The following HAPLN3 variants were observed in gnomAD, a reference collection of about 807,000 sequenced individuals.
The protein encoded by HAPLN3 is hyaluronan and proteoglycan link protein 3.
A neutral mutation model predicts 28.1 loss-of-function variants in HAPLN3; 28 were observed. The ratio of observed to expected loss-of-function variants is 1.00; its 90% CI spans 0.74 to 1.37. The LOEUF (loss-of-function observed/expected upper bound fraction) is 1.37. Ranked by LOEUF, HAPLN3 falls within the 40% of genes most tolerant of loss-of-function variation. The probability of loss-of-function intolerance (pLI) is 0.00; values close to 1 mark genes in which losing one functional copy is unlikely to be tolerated. For missense variants in HAPLN3, 513 were observed against 504.6 expected, an observed-to-expected ratio of 1.02 and a Z score of -0.16; for synonymous variants, 211 against 213.1, an observed-to-expected ratio of 0.99 and a Z score of 0.09.
intron 1 of HAPLN3, among the ~76,000 whole-genome samples, chr15:88,889,068 G>A (rs924580977): frequency 2.0e-5 from 3 of 152,186 alleles, no homozygotes; most frequent in African/African-American, 7.2e-5. Flanking sequence ...GGAGGAAGAC[G>A]GGGCATTGCT....
chr15:88,879,457 T>C lies in HAPLN3; in HGVS notation c.494-188A>G. On this transcript the variant is annotated intron_variant, in intron 3 of 4. Coordinates refer to ENST00000359595, the MANE Select transcript of HAPLN3 (RefSeq NM_178232.4). This position sits in a 1 kb window ranked among gnomAD's most constrained non-coding sequence, Gnocchi z 5.0. ...CGCCTCTCTCCTGGGACTCAGCTGG[T>C]TCACAGCAGTACTCAGAAAACATCC... The C allele has an allele frequency of 6.5e-7, 1 of 1,533,464 alleles. No individual in the cohort carries two copies. The highest frequency in any genetic ancestry group is 1.2e-5 in the South Asian group (1 of 83,224). The allele number at this position is 1,533,464 out of a possible 1,614,324, so 95.0% of individuals were successfully genotyped here.
At chr15:88,883,915 T>C (rs1897775289) in intron 2 of HAPLN3, among the ~76,000 whole-genome samples, 1 of 151,812 alleles carries the variant, frequency 6.6e-6, no homozygotes, top group South Asian at 2.1e-4. Context: ...CCATCTCTAC[T>C]AAAAATACAA....
Position 88,880,397 on chromosome 15 carries a change from A to G in HAPLN3, c.493+960T>C. 8.6e-7 allele frequency: 1 copy of G among 1,158,856 alleles called. No homozygotes were observed. The highest frequency in any genetic ancestry group is 1.1e-6 in the Non-Finnish European group (1 of 924,422). The allele number at this position is 1,158,856 out of a possible 1,614,324, so 71.8% of individuals were successfully genotyped here. A position where few individuals can be genotyped will look rare whatever the true frequency, so the allele number is the denominator to read the frequency against. On this transcript the variant is annotated intron_variant, in intron 3 of 4. Coordinates refer to ENST00000359595, the MANE Select transcript of HAPLN3 (RefSeq NM_178232.4). This position sits in a 1 kb window ranked among gnomAD's most constrained non-coding sequence, Gnocchi z 6.0. ...AAGACAGAGAACGCATTTTAAGGAC[A>G]TACATCTTATCCTCATTGCCTCTGA...
chr15:88,883,902 G>C lies in HAPLN3; in HGVS notation c.125-2177C>G, dbSNP rs546486389. 7.1e-4 allele frequency among the ~76,000 whole-genome samples: 108 copies of C among 151,988 alleles called. 1 individual carries two copies. The highest frequency in any genetic ancestry group is 2.5e-3 in the African/African-American group (103 of 41,468). On this transcript the variant is annotated intron_variant, in intron 2 of 4. Coordinates refer to ENST00000359595, the MANE Select transcript of HAPLN3 (RefSeq NM_178232.4). ...AGACTAGCGTGGCCAACACGGTGAA[G>C]CCCCATCTCTACTAAAAATACAAAA...
intron 2 of HAPLN3, among the ~76,000 whole-genome samples, chr15:88,886,266 G>A (rs558142026): frequency 6.2e-4 from 93 of 149,034 alleles, no homozygotes; most frequent in African/African-American, 2.0e-3. Flanking sequence ...CAGGAGAATC[G>A]CTTGAACCTG....
Position 88,879,223 on chromosome 15 carries a change from G to T in HAPLN3, c.540C>A (p.Asn180Lys). ...YQSPNGRYQFNFHEGQQVCAE... is the reference protein window; with the variant it reads ...YQSPNGRYQFKFHEGQQVCAE... ...CACAGACCTGCTGGCCCTCGTGGAA[G>T]TTGAACTGGTAGCGCCCGTTGGGGG... The change falls in exon 4 of 5, where the codon AAC (asparagine) becomes AAA (lysine). Residue 180 changes from asparagine to lysine, a missense_variant. Physicochemically the swap from Asn to Lys is moderately conservative, Grantham distance 94. Coordinates refer to ENST00000359595, the MANE Select transcript of HAPLN3 (RefSeq NM_178232.4). This position sits in a 1 kb window ranked among gnomAD's most constrained non-coding sequence, Gnocchi z 5.0. 1 of 1,611,348 alleles carries T rather than the reference G, an allele frequency of 6.2e-7. No homozygotes were observed.
At chr15:88,883,010 AC>A (rs1897749027) in intron 2 of HAPLN3, among the ~76,000 whole-genome samples, 1 of 152,222 alleles carries the variant, frequency 6.6e-6, no homozygotes, top group Non-Finnish European at 1.5e-5. Flanking sequence ...GTTGCCAAAA[AC>A]AAAATAAAAA....
intron 2 of HAPLN3, among the ~76,000 whole-genome samples, chr15:88,883,858 A>G (rs1188601228): frequency 6.6e-6 from 1 of 152,278 alleles, no homozygotes; most frequent in East Asian, 1.9e-4. Flanking sequence ...CGGGCAGATC[A>G]CTTGAGGCCA....
intron 2 of HAPLN3, among the ~76,000 whole-genome samples, chr15:88,886,786 T>C (rs1221745932): frequency 6.6e-6 from 1 of 151,992 alleles, no homozygotes; most frequent in Non-Finnish European, 1.5e-5. Flanking sequence ...GATCGTGCCA[T>C]TGCACTCCAG....
chr15:88,887,336 CCA>C lies in HAPLN3; in HGVS notation c.-40_-39del. ...GGGTGACCCGGGCCAGGCTGGGGCC[CCA>C]GGGCAAACTGGGAAGGGGAGGAAAA... On this transcript the variant is annotated 5_prime_UTR_variant, in exon 2 of 5. Coordinates refer to ENST00000359595, the MANE Select transcript of HAPLN3 (RefSeq NM_178232.4). 6.2e-7 allele frequency: 1 copy of C among 1,611,830 alleles called. No individual in the cohort carries two copies.
Position 88,879,115 on chromosome 15 carries a change from C to T in HAPLN3, c.648G>A (p.Trp216Ter), listed in dbSNP as rs755882898. 1.9e-6 allele frequency: 3 copies of T among 1,613,150 alleles called. No homozygotes were observed. The highest frequency in any genetic ancestry group is 2.5e-6 in the Non-Finnish European group (3 of 1,179,706). ...GGTACTGCACCGTGGCATCCTGCAG[C>T]CAGCCCGCGTTGCACCAGTCCAGGC... Reference protein sequence around the residue: ...EEGLDWCNAGWLQDATVQYPI... With the variant: ...EEGLDWCNAG The change falls in exon 4 of 5, where the codon TGG becomes TGA. Residue 216 changes from tryptophan to a stop codon, truncating the protein, a stop_gained. Transcript: ENST00000359595. LOFTEE classifies it high-confidence loss of function. The surrounding 1 kb of genome is among the most constrained non-coding windows in gnomAD (Gnocchi z 5.0).
At chr15:88,878,794 A>C (rs1210080223) in intron 4 of HAPLN3, among the ~76,000 whole-genome samples, 173 bp downstream of exon 4, 2 of 152,226 alleles carry the variant, frequency 1.3e-5, no homozygotes. Context: ...CAGCAGCAGC[A>C]AAGCACTCAA....
At chr15:88,883,201 G>A (rs1897754169) in intron 2 of HAPLN3, among the ~76,000 whole-genome samples, 1 of 152,186 alleles carries the variant, frequency 6.6e-6, no homozygotes, top group Non-Finnish European at 1.5e-5. Flanking sequence ...GCATCACCAG[G>A]AATTTGTCAG....
intron 1 of HAPLN3, among the ~76,000 whole-genome samples, chr15:88,893,596 G>A (rs1271258945): frequency 1.3e-5 from 2 of 152,000 alleles, no homozygotes; most frequent in African/African-American, 2.4e-5. Flanking sequence ...TGGACAAGTC[G>A]CTGCACCTCT....
rs1427448374 is a variant in HAPLN3 at position 88,881,686 on chromosome 15, T to G, written c.164A>C (p.Glu55Ala). ...NGVKLVVETP[E>A]ETLFTYQGAS... ...CCCTTGGTAGGTGAACAGGGTCTCC[T>G]CGGGTGTCTCCACCACCAGCTTCAC... Residue 55 changes from glutamate to alanine, a missense_variant, in exon 3 of 5, where the codon GAG (glutamate) becomes GCG (alanine). Transcript: ENST00000359595. The surrounding 1 kb of genome is among the most constrained non-coding windows in gnomAD (Gnocchi z 6.0). 6 of 1,613,376 alleles carry G rather than the reference T, an allele frequency of 3.7e-6. No homozygotes were observed. Among genetic ancestry groups the G allele is most frequent in the South Asian group, 3.3e-5 (3 of 91,038 alleles).
chr15:88,889,795 T>C (rs1210174690), intron 1 of HAPLN3, among the ~76,000 whole-genome samples: 3 of 152,232 alleles, frequency 2.0e-5, no homozygotes, highest in Non-Finnish European at 1.5e-5. Context: ...AACATAACTA[T>C]GATTATCATG....
rs368994174 is a variant in HAPLN3 at position 88,878,673 on chromosome 15, T to G, written c.796+294A>C. Among the ~76,000 whole-genome samples the G allele has an allele frequency of 3.1e-4, 47 of 152,372 alleles. 1 individual carries two copies. The South Asian group carries it at 8.5e-3, about 28-fold the overall frequency. On this transcript the variant is annotated intron_variant, in intron 4 of 4. Coordinates refer to ENST00000359595, the MANE Select transcript of HAPLN3 (RefSeq NM_178232.4). ...TGAGCTGCTTTGTGAAGACAGGCTG[T>G]GTTTTATTCGTCTGTGATTCCCGAG...
Position 88,881,404 on chromosome 15 carries a change from A to G in HAPLN3, c.446T>C (p.Ile149Thr). The G allele has an allele frequency of 6.2e-7, 1 of 1,613,884 alleles. No homozygotes were observed. The highest frequency in any genetic ancestry group is 8.5e-7 in the Non-Finnish European group (1 of 1,179,978). ...ACCGCTTTCATCCTCCAGCCCGTCAATGACCTCACAGCGGTAACGCCCATA... is the reference window on the plus strand; with the variant it reads ...ACCGCTTTCATCCTCCAGCCCGTCAGTGACCTCACAGCGGTAACGCCCATA... ...EDYGRYRCEVIDGLEDESGLV... is the reference protein window; with the variant it reads ...EDYGRYRCEVTDGLEDESGLV... The change falls in exon 3 of 5, where the codon ATT becomes ACT. Residue 149 changes from isoleucine (I) to threonine (T), a missense_variant. Ile to Thr is a moderately conservative substitution (Grantham distance 89). Transcript: ENST00000359595. The surrounding 1 kb of genome is among the most constrained non-coding windows in gnomAD (Gnocchi z 6.0).
Position 88,880,378 on chromosome 15 carries a change from G to C in HAPLN3, c.493+979C>G, listed in dbSNP as rs1013114714. On this transcript the variant is annotated intron_variant, in intron 3 of 4. Transcript: ENST00000359595. The surrounding 1 kb of genome is among the most constrained non-coding windows in gnomAD (Gnocchi z 6.0). ...CATGTGGACACTGGTGGCAAAGACA[G>C]AGAACGCATTTTAAGGACATACATC... The C allele has an allele frequency of 8.8e-7, 1 of 1,130,832 alleles. No individual in the cohort carries two copies. The highest frequency in any genetic ancestry group is 1.7e-5 in the African/African-American group (1 of 60,374). 70.0% of individuals were successfully genotyped at this position (1,130,832 alleles called of 1,614,324 possible).
Sources: allele counts gnomAD v4.1 joint callset (sites outside exome capture counted in the v4.1 genomes callset), GRCh38; gene constraint gnomAD v4.1.1; non-coding constraint Gnocchi (gnomAD v3.1); transcripts MANE v1.5; gene names NCBI Gene and HGNC (gene_info 2026-07-23, HGNC 2026-07-21).